Variants in MLEC observed in about 807,000 individuals in gnomAD.
MLEC encodes the protein oligosaccharyltransferase complex subunit (non-catalytic).
In MLEC, 7 loss-of-function variants were observed where a neutral mutation model predicts 28.7. That is an observed-to-expected ratio of 0.24 (90% CI 0.14 to 0.46). The LOEUF is 0.46. Among genes scored for constraint, MLEC ranks in the 20% least tolerant of loss-of-function variants. MLEC has a pLI of 0.99. For synonymous variants in MLEC, 142 were observed against 164.4 expected, an observed-to-expected ratio of 0.86 and a Z score of 1.04; for missense variants, 237 against 391.1, an observed-to-expected ratio of 0.61 and a Z score of 3.32.
rs555470344 is a variant in MLEC at position 120,690,162 on chromosome 12, T to C, written c.235+2631T>C. 2.6e-5 allele frequency among the ~76,000 whole-genome samples: 4 copies of C among 151,552 alleles called. No homozygotes were observed. The South Asian group carries it at 6.3e-4, about 24-fold the overall frequency. ...GCACATTCCAGGGTTTTTATTTATT[T>C]ATTGAAAATTTTTAATTTTTTTTTT... On this transcript the variant is annotated intron_variant, in intron 1 of 4. Coordinates refer to ENST00000228506, the MANE Select transcript of MLEC (RefSeq NM_014730.4).
rs138111377 is a variant in MLEC, at chr12:120,697,405, G to C, written c.*860G>C. 3 of 152,588 alleles carry C rather than the reference G, an allele frequency of 2.0e-5. No individual in the cohort carries two copies. Among genetic ancestry groups the C allele is most frequent in the African/African-American group, 7.2e-5 (3 of 41,418 alleles). 9.5% of individuals were successfully genotyped at this position (152,588 alleles called of 1,614,324 possible). On this transcript the variant is annotated 3_prime_UTR_variant, in exon 5 of 5. Coordinates refer to ENST00000228506, the MANE Select transcript of MLEC (RefSeq NM_014730.4). This position sits in a 1 kb window ranked among gnomAD's most constrained non-coding sequence, Gnocchi z 4.8. Reference sequence around the variant, plus strand: ...TATAGCCAAGAAGGGAAGGAGACACGGGGATTTGGGGTTCTCTGCTTGAAT... The same window carrying C: ...TATAGCCAAGAAGGGAAGGAGACACCGGGATTTGGGGTTCTCTGCTTGAAT...
rs1882335571 is a variant in MLEC, at chr12:120,698,813, C to T, written c.*2268C>T. On this transcript the variant is annotated 3_prime_UTR_variant, in exon 5 of 5. Coordinates refer to ENST00000228506, the MANE Select transcript of MLEC (RefSeq NM_014730.4). ...TGTAAGCCAAGCAGCTTTGCTTCTG[C>T]CTCTGTTTCCAAGCCCACCCTTTTC... 1 of 152,668 alleles carries T rather than the reference C, an allele frequency of 6.6e-6. No homozygotes were observed. The highest frequency in any genetic ancestry group is 1.9e-4 in the East Asian group (1 of 5,200). 9.5% of individuals were successfully genotyped at this position (152,668 alleles called of 1,614,324 possible).
At chr12:120,692,896 T>A (rs1165308882) in intron 1 of MLEC, among the ~76,000 whole-genome samples, 5 of 152,016 alleles carry the variant, frequency 3.3e-5, no homozygotes. Flanking sequence ...TATTTACCTC[T>A]GAGACTGAAA....
Position 120,687,626 on chromosome 12 carries a change from G to A in MLEC, c.235+95G>A. The A allele has an allele frequency of 1.0e-6, 1 of 979,994 alleles. No individual in the cohort carries two copies. Among genetic ancestry groups the A allele is most frequent in the Non-Finnish European group, 1.4e-6 (1 of 708,434 alleles). 60.7% of individuals were successfully genotyped at this position (979,994 alleles called of 1,614,324 possible). ...GGGCCCCGAGCCCCTTTCGACCCTG[G>A]GGCCGCGTCTCTGGAGCGAAGTTTC... On this transcript the variant is annotated intron_variant, in intron 1 of 4. Coordinates refer to ENST00000228506, the MANE Select transcript of MLEC (RefSeq NM_014730.4). This position sits in a 1 kb window ranked among gnomAD's most constrained non-coding sequence, Gnocchi z 8.1.
In MLEC at chr12:120,687,313, C is replaced by T. The variant is rs550138992; in HGVS notation, c.17C>T (p.Ala6Val). ...GTGGCCGCCATGCTGGGAGCCTGGG[C>T]GGTTGAGGGAACCGCTGTGGCGCTC... MLGAW[A>V]VEGTAVALLR... Residue 6 changes from alanine (A) to valine (V), a missense_variant, in exon 1 of 5, where the codon GCG (alanine) becomes GTG (valine). Coordinates refer to ENST00000228506, the MANE Select transcript of MLEC (RefSeq NM_014730.4). This position sits in a 1 kb window ranked among gnomAD's most constrained non-coding sequence, Gnocchi z 8.1. 2.2e-5 allele frequency: 31 copies of T among 1,397,628 alleles called. No homozygotes were observed. The South Asian group carries it at 4.2e-4, about 19-fold the overall frequency. 86.6% of individuals were successfully genotyped at this position (1,397,628 alleles called of 1,614,324 possible).
chr12:120,693,949 G>A, intron 1 of MLEC, 142 bp from the exon 2 acceptor site: 1 of 651,542 alleles, frequency 1.5e-6, no homozygotes, highest in Middle Eastern at 4.3e-4. Flanking sequence ...AGCTCTGTTT[G>A]GAGCCAGGTG....
chr12:120,698,020 T>G lies in MLEC; in HGVS notation c.*1475T>G, dbSNP rs1036022737. The G allele has an allele frequency of 1.3e-5, 2 of 152,178 alleles. No homozygotes were observed. Among genetic ancestry groups the G allele is most frequent in the Non-Finnish European group, 2.9e-5 (2 of 68,036 alleles). 9.4% of individuals were successfully genotyped at this position (152,178 alleles called of 1,614,324 possible). ...ATTTCTATAGGAAATGAAGCTTCCC[T>G]GGTCCCCTCCTTTCTGGCCATTGTC... On this transcript the variant is annotated 3_prime_UTR_variant, in exon 5 of 5. Transcript: ENST00000228506.
chr12:120,693,115 G>C (rs1432638719), intron 1 of MLEC, among the ~76,000 whole-genome samples: 1 of 152,220 alleles, frequency 6.6e-6, no homozygotes, highest in Non-Finnish European at 1.5e-5. Context: ...CTGCTCTTCT[G>C]ATACTGACCC....
Position 120,697,816 on chromosome 12 carries a change from C to T in MLEC, c.*1271C>T, listed in dbSNP as rs998676618. The T allele has an allele frequency of 7.9e-5, 12 of 152,154 alleles. No homozygotes were observed. Among genetic ancestry groups the T allele is most frequent in the African/African-American group, 2.9e-4 (12 of 41,434 alleles). The allele number at this position is 152,154 out of a possible 1,614,324, so 9.4% of individuals were successfully genotyped here. ...AGACTAATTAGCTATATAGGCCCAG[C>T]GATGCTTCTTATTGATCTTAATAGT... On this transcript the variant is annotated 3_prime_UTR_variant, in exon 5 of 5. Transcript: ENST00000228506. This position sits in a 1 kb window ranked among gnomAD's most constrained non-coding sequence, Gnocchi z 4.8.
rs369531998 is a variant in MLEC, at chr12:120,694,041, T to G, written c.236-50T>G. The G allele has an allele frequency of 2.2e-5, 34 of 1,556,996 alleles. No individual in the cohort carries two copies. In the African/African-American group the frequency reaches 4.2e-4, roughly 19 times the overall value. On this transcript the variant is annotated intron_variant, in intron 1 of 4. Coordinates refer to ENST00000228506, the MANE Select transcript of MLEC (RefSeq NM_014730.4). The surrounding 1 kb of genome is among the most constrained non-coding windows in gnomAD (Gnocchi z 4.5). ...CTGGCTGTTCTGGGGTCTTTGCTTT[T>G]CTTTTGTGTCTTGCCTCTGATGTGC...
intron 1 of MLEC, among the ~76,000 whole-genome samples, chr12:120,688,073 A>G (rs1881896576): frequency 6.6e-6 from 1 of 152,230 alleles, no homozygotes; most frequent in Non-Finnish European, 1.5e-5. Context: ...GCTTAAAAGT[A>G]GAATCGGCAG....
At chr12:120,690,273 AC>A (rs1326416103) in intron 1 of MLEC, among the ~76,000 whole-genome samples, 1 of 152,142 alleles carries the variant, frequency 6.6e-6, no homozygotes, top group African/African-American at 2.4e-5. Context: ...GGCCTCCCAA[AC>A]TGCTGGGATT....
Position 120,700,906 on chromosome 12 carries a change from A to G in MLEC, c.*4361A>G, listed in dbSNP as rs888254634. On this transcript the variant is annotated 3_prime_UTR_variant, in exon 5 of 5. Coordinates refer to ENST00000228506, the MANE Select transcript of MLEC (RefSeq NM_014730.4). This position sits in a 1 kb window ranked among gnomAD's most constrained non-coding sequence, Gnocchi z 4.0. Reference sequence around the variant, plus strand: ...TTTGTCTAGCCTGCTATGGGGGGCCAGATTATCTTGATAAGAGCAGGTGAT... The same window carrying G: ...TTTGTCTAGCCTGCTATGGGGGGCCGGATTATCTTGATAAGAGCAGGTGAT... 5.3e-5 allele frequency: 8 copies of G among 152,292 alleles called. No individual in the cohort carries two copies. Among genetic ancestry groups the G allele is most frequent in the African/African-American group, 1.7e-4 (7 of 41,444 alleles). The allele number at this position is 152,292 out of a possible 1,614,324, so 9.4% of individuals were successfully genotyped here.
chr12:120,692,966 A>G (rs1882094545), intron 1 of MLEC, among the ~76,000 whole-genome samples: 1 of 152,100 alleles, frequency 6.6e-6, no homozygotes, highest in Middle Eastern at 3.2e-3. Context: ...CACGCCTGTA[A>G]TCCTAGCACT....
chr12:120,691,241 G>A (rs968843349), intron 1 of MLEC, among the ~76,000 whole-genome samples: 2 of 152,202 alleles, frequency 1.3e-5, no homozygotes, highest in African/African-American at 4.8e-5. Flanking sequence ...CTTATCGTGT[G>A]CATATCCTTG....
At chr12:120,691,931 G>A (rs751112136) in intron 1 of MLEC, among the ~76,000 whole-genome samples, 11 of 152,154 alleles carry the variant, frequency 7.2e-5, no homozygotes, top group African/African-American at 2.4e-4. Flanking sequence ...AGGCCGATGC[G>A]GGCAGATCAC....
At chr12:120,688,602 C>A (rs1334012729) in intron 1 of MLEC, among the ~76,000 whole-genome samples, 1 of 152,230 alleles carries the variant, frequency 6.6e-6, no homozygotes, top group Non-Finnish European at 1.5e-5. Flanking sequence ...CTCCAGACAA[C>A]CAGGAGACAG....
chr12:120,695,280 C>A, intron 4 of MLEC, 128 bp downstream of exon 4: 3 of 1,019,924 alleles, frequency 2.9e-6, no homozygotes, highest in South Asian at 1.3e-5. Flanking sequence ...GATTCAGAAT[C>A]AGTTGGATAA....
chr12:120,687,528 C>A lies in MLEC; in HGVS notation c.232C>A (p.Arg78=). Residue 78 remains arginine, a synonymous_variant, in exon 1 of 5, where the codon CGA becomes AGA. Coordinates refer to ENST00000228506, the MANE Select transcript of MLEC (RefSeq NM_014730.4). The surrounding 1 kb of genome is among the most constrained non-coding windows in gnomAD (Gnocchi z 8.1). ...GGACCCTTTGGAAGGCCGGGTGGGC[C>A]GAGGTGAGAGTCCCCCTGCCGAGCC... The part of the protein sequence containing the change: ...RKDPLEGRVG[R]ASDYGMKLPI... 2.7e-6 allele frequency: 4 copies of A among 1,491,606 alleles called. No individual in the cohort carries two copies. Among genetic ancestry groups the A allele is most frequent in the Non-Finnish European group, 3.6e-6 (4 of 1,121,690 alleles). 92.4% of individuals were successfully genotyped at this position (1,491,606 alleles called of 1,614,324 possible).
Sources: gnomAD v4.1 joint callset for allele counts (sites outside exome capture counted in the v4.1 genomes callset) on GRCh38, gnomAD v4.1.1 for gene constraint, Gnocchi (gnomAD v3.1) non-coding constraint, MANE v1.5 for transcripts, NCBI Gene and HGNC (gene_info 2026-07-23, HGNC 2026-07-21) for gene names.